Variants in SEMA3A observed in about 807,000 individuals in gnomAD.
The protein encoded by SEMA3A is semaphorin-3A.
A neutral mutation model predicts 97.9 loss-of-function variants in SEMA3A; 29 were observed. That is an observed-to-expected ratio of 0.30 (90% confidence interval 0.22 to 0.40). The LOEUF is 0.40. Among genes scored for constraint, SEMA3A ranks in the 10% least tolerant of loss-of-function variants. SEMA3A has a pLI of 1.00. For synonymous variants in SEMA3A, 321 were observed against 323.7 expected, an observed-to-expected ratio of 0.99 and a Z score of 0.09; for missense variants, 763 against 951.3, an observed-to-expected ratio of 0.80 and a Z score of 2.60.
chr7:84,478,462 A>G (rs1806359292), intron 1 of SEMA3A, among the ~76,000 whole-genome samples: 1 of 152,164 alleles, frequency 6.6e-6, no homozygotes, highest in African/African-American at 2.4e-5. Flanking sequence ...CTTAGTAAAT[A>G]TAGATCTTGG....
intron 1 of SEMA3A, among the ~76,000 whole-genome samples, chr7:84,404,632 G>A (rs982057223): frequency 3.3e-5 from 5 of 152,074 alleles, no homozygotes; most frequent in Admixed American, 1.3e-4. Flanking sequence ...AAATGTTAAG[G>A]GCAGCCAGAG....
intron 3 of SEMA3A, among the ~76,000 whole-genome samples, chr7:84,261,377 A>G (rs975113191): frequency 2.6e-5 from 4 of 151,080 alleles, no homozygotes; most frequent in African/African-American, 9.7e-5. Flanking sequence ...AGGCTGAAAA[A>G]CCCCCTTGCT....
At chr7:84,200,865 G>C (rs1305469610) in intron 3 of SEMA3A, among the ~76,000 whole-genome samples, 1 of 149,616 alleles carries the variant, frequency 6.7e-6, no homozygotes, top group African/African-American at 2.5e-5. Flanking sequence ...TTTCAAGTGA[G>C]ACAAAAATCC....
chr7:84,058,568 A>G (rs1305583283), intron 5 of SEMA3A, among the ~76,000 whole-genome samples: 4 of 152,212 alleles, frequency 2.6e-5, no homozygotes, highest in African/African-American at 9.6e-5. Flanking sequence ...AGGTATTTTG[A>G]AGGATTTTGC....
intron 1 of SEMA3A, among the ~76,000 whole-genome samples, chr7:84,395,713 C>A (rs1267297749): frequency 6.6e-6 from 1 of 152,122 alleles, no homozygotes; most frequent in African/African-American, 2.4e-5. Flanking sequence ...CTCGGCACTT[C>A]TTCCTGCTGC....
At chr7:84,394,481 G>C (rs1803674001) in intron 1 of SEMA3A, among the ~76,000 whole-genome samples, 1 of 152,176 alleles carries the variant, frequency 6.6e-6, no homozygotes, top group South Asian at 2.1e-4. Flanking sequence ...GATGTGATTT[G>C]TAAAGTACAA....
intron 5 of SEMA3A, among the ~76,000 whole-genome samples, chr7:84,051,969 CAT>C (rs1442708144): frequency 1.3e-5 from 2 of 150,734 alleles, no homozygotes; most frequent in Non-Finnish European, 1.5e-5. Context: ...TTGAGATAAT[CAT>C]GTGGTTTTTG....
At chr7:84,254,270 T>A (rs1799669023) in intron 3 of SEMA3A, among the ~76,000 whole-genome samples, 1 of 152,180 alleles carries the variant, frequency 6.6e-6, no homozygotes, top group South Asian at 2.1e-4. Flanking sequence ...AAAGGGCAGG[T>A]TGTCATCTGA....
intron 2 of SEMA3A, among the ~76,000 whole-genome samples, chr7:84,371,257 C>A (rs1802967701): frequency 6.6e-6 from 1 of 151,596 alleles, no homozygotes; most frequent in African/African-American, 2.4e-5. Flanking sequence ...TACTAGTGAA[C>A]AACATATAAC....
chr7:84,095,870 A>G (rs1794757888), intron 4 of SEMA3A, among the ~76,000 whole-genome samples: 2 of 151,424 alleles, frequency 1.3e-5, no homozygotes, highest in South Asian at 2.1e-4. Flanking sequence ...GTATTGAAAC[A>G]ATATTCAAAT....
Position 84,020,035 on chromosome 7 carries a change from C to CTTTTTTTTTTTTTTTTTTTTTTTTTTTT in SEMA3A, c.668-5712_668-5685dup, listed in dbSNP as rs781108685. On this transcript the variant is annotated intron_variant, in intron 6 of 16. Coordinates refer to ENST00000265362, the MANE Select transcript of SEMA3A (RefSeq NM_006080.3). The stretch of plus-strand genomic sequence containing the variant: ...AATATTGTTAATGATTTTTTTCTTT[C>CTTTTTTTTTTTTTTTTTTTTTTTTTTTT]TTTTTTTTTTTTTTTTTTTTTTTTT... Among the ~76,000 whole-genome samples, 6 of 58,252 alleles carry CTTTTTTTTTTTTTTTTTTTTTTTTTTTT rather than the reference C, an allele frequency of 1.0e-4. 2 individuals carry two copies. The highest frequency in any genetic ancestry group is 1.2e-4 in the Non-Finnish European group (4 of 32,210). The allele number at this position is 58,252 out of a possible 152,430, so 38.2% of individuals were successfully genotyped here.
intron 1 of SEMA3A, among the ~76,000 whole-genome samples, chr7:84,435,883 A>G (rs184166378): frequency 6.6e-6 from 1 of 152,274 alleles, no homozygotes; most frequent in African/African-American, 2.4e-5. Flanking sequence ...CCTAAGCAAA[A>G]CAAAACAAAA....
At chr7:84,278,063 T>C (rs781399930) in intron 3 of SEMA3A, among the ~76,000 whole-genome samples, 6 of 152,130 alleles carry the variant, frequency 3.9e-5, no homozygotes, top group Non-Finnish European at 7.4e-5. Context: ...CATATGAGTA[T>C]TGGTTGTTAG....
rs774443763 is a variant in SEMA3A at position 84,011,090 on chromosome 7, C to T, written c.927G>A (p.Gln309=). The T allele has an allele frequency of 1.9e-6, 3 of 1,611,460 alleles. No individual in the cohort carries two copies. The highest frequency in any genetic ancestry group is 2.2e-5 in the East Asian group (1 of 44,852). ...CTTTAAAGTTCATTAGGAATACATC[C>T]TCTGTTTAAAAACAAAATTGGAGAA... ...NGIDTHFDEL[Q]DVFLMNFKDP... Residue 309 remains glutamine (Q), a splice_region_variant and synonymous_variant, in exon 9 of 17, where the codon CAG becomes CAA. Transcript: ENST00000265362.
At chr7:84,033,779 A>C (rs528856906) in intron 6 of SEMA3A, among the ~76,000 whole-genome samples, 1 of 152,086 alleles carries the variant, frequency 6.6e-6, no homozygotes, top group Non-Finnish European at 1.5e-5. Context: ...ATTCTCATTC[A>C]ATACAACTGG....
At chr7:84,315,937 T>C (rs962809998) in intron 2 of SEMA3A, among the ~76,000 whole-genome samples, 19 of 151,402 alleles carry the variant, frequency 1.3e-4, no homozygotes, top group African/African-American at 4.4e-4. Flanking sequence ...TACTAATATA[T>C]ATTTTTTCTT....
rs971503374 is a variant in SEMA3A at position 84,119,361 on chromosome 7, C to T, written c.334-8772G>A. On this transcript the variant is annotated intron_variant, in intron 3 of 16. Coordinates refer to ENST00000265362, the MANE Select transcript of SEMA3A (RefSeq NM_006080.3). ...AGCCAAAAGTCAAGATTCTGCATCT[C>T]TAGAAATAGTGTCAAGTTTTCAGAG... 6.6e-5 allele frequency among the ~76,000 whole-genome samples: 10 copies of T among 152,150 alleles called. No individual in the cohort carries two copies. In the East Asian group the frequency reaches 9.7e-4, roughly 15 times the overall value.
At chr7:84,007,534 CT>C in intron 9 of SEMA3A, 37 bp from the exon 10 acceptor site, 1 of 1,450,004 alleles carries the variant, frequency 6.9e-7, no homozygotes, top group Non-Finnish European at 9.2e-7. Context: ...AGAAGTTCAT[CT>C]TTATACAATG....
intron 1 of SEMA3A, among the ~76,000 whole-genome samples, chr7:84,434,963 A>C (rs1805086693): frequency 6.6e-6 from 1 of 152,052 alleles, no homozygotes; most frequent in Admixed American, 6.6e-5. Flanking sequence ...AAGGATGCTC[A>C]CTCCCACCAC....
Sources: allele counts gnomAD v4.1 joint callset (sites outside exome capture counted in the v4.1 genomes callset), GRCh38; gene constraint gnomAD v4.1.1; transcripts MANE v1.5; gene names NCBI Gene and HGNC (gene_info 2026-07-23, HGNC 2026-07-21).